NRCAM: variants seen among roughly 807,000 people sequenced by gnomAD.
NRCAM encodes neuronal cell adhesion molecule.
Under a neutral mutation model 156.5 loss-of-function variants are expected in NRCAM, and 83 were observed. That is an observed-to-expected ratio of 0.53 (90% CI 0.44 to 0.64). The LOEUF (loss-of-function observed/expected upper bound fraction) is 0.64, where lower values mean the gene tolerates loss of function less well. NRCAM is among the 30% of genes least tolerant of loss of function. The probability of loss-of-function intolerance (pLI) is 0.00; values close to 1 mark genes in which losing one functional copy is unlikely to be tolerated. For synonymous variants in NRCAM, 538 were observed against 563.9 expected (o/e 0.95, Z 0.65); for missense variants, 1,417 against 1,597.3 (o/e 0.89, Z 1.92).
chr7:108,264,804 G>A (rs2097027645), intron 3 of NRCAM, among the ~76,000 whole-genome samples: 1 of 152,152 alleles, frequency 6.6e-6, no homozygotes, highest in African/African-American at 2.4e-5. Context: ...TGACCTCGTT[G>A]AGTTTCTAGG....
intron 2 of NRCAM, among the ~76,000 whole-genome samples, chr7:108,318,194 G>A (rs2098954651): frequency 6.6e-6 from 1 of 151,136 alleles, no homozygotes; most frequent in Non-Finnish European, 1.5e-5. Context: ...TATAGGCACC[G>A]GCCACCATGC....
At chr7:108,434,982 CA>C (rs747514767) in intron 1 of NRCAM, among the ~76,000 whole-genome samples, 2 of 148,970 alleles carry the variant, frequency 1.3e-5, no homozygotes, top group South Asian at 4.2e-4. Context: ...ATAATAACAA[CA>C]AAAATTACGA....
chr7:108,450,572 G>T (rs554447544), intron 1 of NRCAM, among the ~76,000 whole-genome samples: 1 of 152,000 alleles, frequency 6.6e-6, no homozygotes, highest in African/African-American at 2.4e-5. Context: ...AGGCAAATTT[G>T]CTCTTGTTCT....
intron 7 of NRCAM, among the ~76,000 whole-genome samples, chr7:108,231,534 A>G (rs999979157): frequency 6.6e-6 from 1 of 152,208 alleles, no homozygotes; most frequent in Non-Finnish European, 1.5e-5. Flanking sequence ...ACCATAGAGT[A>G]TTATATAAGT....
intron 1 of NRCAM, among the ~76,000 whole-genome samples, chr7:108,408,685 T>C (rs934214983): frequency 6.6e-6 from 1 of 152,246 alleles, no homozygotes; most frequent in Non-Finnish European, 1.5e-5. Context: ...CCGTTACTAA[T>C]ATGAAACTTT....
chr7:108,207,392 A>G (rs2153569815), intron 13 of NRCAM, 136 bp downstream of exon 13: 2 of 740,280 alleles, frequency 2.7e-6, no homozygotes, highest in East Asian at 5.3e-5. Context: ...TGCAAAGGTA[A>G]TTTGGTGCCT....
At chr7:108,320,045 C>A (rs1027423526) in intron 2 of NRCAM, among the ~76,000 whole-genome samples, 18 of 152,096 alleles carry the variant, frequency 1.2e-4, no homozygotes, top group African/African-American at 4.3e-4. Context: ...AAGTGAATTC[C>A]TATACAGTTA....
chr7:108,349,562 C>T (rs1011803338), intron 2 of NRCAM, among the ~76,000 whole-genome samples: 1 of 152,182 alleles, frequency 6.6e-6, no homozygotes, highest in African/African-American at 2.4e-5. Context: ...GCCACCGTGC[C>T]TGGCTTAGTT....
In NRCAM at chr7:108,155,977, C is replaced by T. The variant is rs1008976696; in HGVS notation, c.3677+3486G>A. On this transcript the variant is annotated intron_variant, in intron 32 of 32. Transcript: ENST00000379028. ...CTGTTAAATCCTACTGAGTAAAATT[C>T]GGCAACAGCAGGTAAATCTGTGATA... Among the ~76,000 whole-genome samples the T allele has an allele frequency of 3.3e-5, 5 of 152,126 alleles. No homozygotes were observed. In the East Asian group the frequency reaches 7.7e-4, roughly 24 times the overall value.
chr7:108,297,428 T>C (rs2098472387), intron 3 of NRCAM, among the ~76,000 whole-genome samples: 1 of 152,190 alleles, frequency 6.6e-6, no homozygotes, highest in Non-Finnish European at 1.5e-5. Context: ...AATCAGGGTG[T>C]CACAGAAAAT....
chr7:108,415,079 C>A (rs1799884128), intron 1 of NRCAM, among the ~76,000 whole-genome samples: 1 of 152,176 alleles, frequency 6.6e-6, no homozygotes, highest in South Asian at 2.1e-4. Context: ...TAGGAGGTTG[C>A]AGTATAATAT....
chr7:108,217,402 G>A (rs2153645940), intron 11 of NRCAM, among the ~76,000 whole-genome samples: 1 of 152,330 alleles, frequency 6.6e-6, no homozygotes, highest in African/African-American at 2.4e-5. Context: ...GGGGGTCAGG[G>A]ACCCACTTGA....
At chr7:108,319,077 C>T (rs968689175) in intron 2 of NRCAM, among the ~76,000 whole-genome samples, 1 of 152,040 alleles carries the variant, frequency 6.6e-6, no homozygotes, top group South Asian at 2.1e-4. Flanking sequence ...GGTCACACAA[C>T]AATATAAATG....
At chr7:108,308,573 T>A (rs1002320141) in intron 3 of NRCAM, among the ~76,000 whole-genome samples, 1 of 152,186 alleles carries the variant, frequency 6.6e-6, no homozygotes, top group African/African-American at 2.4e-5. Flanking sequence ...GTTGCAGGAT[T>A]CCTTCTACTG....
At chr7:108,448,139 A>G (rs1846476105) in intron 1 of NRCAM, among the ~76,000 whole-genome samples, 2 of 152,246 alleles carry the variant, frequency 1.3e-5, no homozygotes, top group South Asian at 4.1e-4. Flanking sequence ...AAACCCCAGC[A>G]CATCTATTAA....
intron 5 of NRCAM, among the ~76,000 whole-genome samples, chr7:108,235,112 T>C (rs2094797134): frequency 6.6e-6 from 1 of 152,176 alleles, no homozygotes; most frequent in Non-Finnish European, 1.5e-5. Flanking sequence ...CATTAGTGTG[T>C]GCTCATATAA....
At chr7:108,256,361 A>C (rs2096661406) in intron 3 of NRCAM, among the ~76,000 whole-genome samples, 1 of 148,516 alleles carries the variant, frequency 6.7e-6, no homozygotes, top group Non-Finnish European at 1.5e-5. Flanking sequence ...TGCTGTGTCC[A>C]CTCAGGGTTA....
chr7:108,427,783 G>T (rs1819284281), intron 1 of NRCAM, among the ~76,000 whole-genome samples: 1 of 152,138 alleles, frequency 6.6e-6, no homozygotes, highest in Admixed American at 6.5e-5. Context: ...AAAAGTGATT[G>T]TTTTAAAAGT....
chr7:108,227,736 T>C (rs60503554), intron 8 of NRCAM, among the ~76,000 whole-genome samples: 11,205 of 152,200 alleles, frequency 0.074, 593 homozygotes, highest in African/African-American at 0.14. Flanking sequence ...AAGTCACACA[T>C]CCCAGTGGCC....
Sources: allele counts gnomAD v4.1 joint callset (sites outside exome capture counted in the v4.1 genomes callset), GRCh38; gene constraint gnomAD v4.1.1; transcripts MANE v1.5; gene names NCBI Gene and HGNC (gene_info 2026-07-23, HGNC 2026-07-21).